YAP1: variants seen among roughly 807,000 people sequenced by gnomAD.
The protein encoded by YAP1 is Yes1 associated transcriptional regulator.
A neutral mutation model predicts 56.9 loss-of-function variants in YAP1; 5 were observed. That is an observed-to-expected ratio of 0.09 (90% CI 0.05 to 0.18). YAP1 has a LOEUF of 0.18. Ranked by LOEUF, YAP1 falls within the 10% of genes least tolerant of loss-of-function variation. YAP1 has a pLI of 1.00. For missense variants in YAP1, 539 were observed against 651.8 expected, an observed-to-expected ratio of 0.83 and a Z score of 1.88; for synonymous variants, 265 against 248.1, an observed-to-expected ratio of 1.07 and a Z score of -0.64.
At chr11:102,209,690 A>G (rs952517366) in intron 6 of YAP1, 126 bp downstream of exon 6, 1 of 857,842 alleles carries the variant, frequency 1.2e-6, no homozygotes. Context: ...ACTTTGAGCC[A>G]TCTTTCTACC....
chr11:102,125,164 A>G (rs532689196), intron 2 of YAP1, among the ~76,000 whole-genome samples: 1 of 150,482 alleles, frequency 6.6e-6, no homozygotes, highest in African/African-American at 2.5e-5. Context: ...AGCCTCCCCA[A>G]GTAGCTGGGA....
At chr11:102,229,389 G>T (rs1327962284) in intron 8 of YAP1, among the ~76,000 whole-genome samples, 1 of 152,162 alleles carries the variant, frequency 6.6e-6, no homozygotes, top group African/African-American at 2.4e-5. Flanking sequence ...GTCGTGTTGT[G>T]TACTTGTTCT....
At chr11:102,179,650 T>C (rs1947467600) in intron 3 of YAP1, among the ~76,000 whole-genome samples, 1 of 152,184 alleles carries the variant, frequency 6.6e-6, no homozygotes, top group South Asian at 2.1e-4. Context: ...TCTAAAAAAC[T>C]GTTTCCCATT....
chr11:102,133,308 T>G (rs1944477229), intron 2 of YAP1, among the ~76,000 whole-genome samples: 1 of 152,154 alleles, frequency 6.6e-6, no homozygotes, highest in Non-Finnish European at 1.5e-5. Context: ...ATTTTTGGGT[T>G]TTTTTGGGAC....
chr11:102,156,317 A>G (rs1945942185), intron 2 of YAP1, among the ~76,000 whole-genome samples: 1 of 152,230 alleles, frequency 6.6e-6, no homozygotes, highest in African/African-American at 2.4e-5. Flanking sequence ...ATGAAAGAAC[A>G]TGTAAAATTG....
At chr11:102,183,739 T>TGTGTGTGTGTGTGTGTGTGTGTGTGTGTG (rs1565241068) in intron 3 of YAP1, among the ~76,000 whole-genome samples, 3 of 150,648 alleles carry the variant, frequency 2.0e-5, no homozygotes, top group Admixed American at 6.6e-5. Context: ...TGTGTGTGTG[T>TGTGTGTGTGTGTGTGTGTGTGTGTGTGTG]TTAAACCACA....
chr11:102,151,101 T>A (rs1284236571), intron 2 of YAP1, among the ~76,000 whole-genome samples: 1 of 152,142 alleles, frequency 6.6e-6, no homozygotes, highest in African/African-American at 2.4e-5. Flanking sequence ...GTGCTGGGAT[T>A]ACAGGCGTCA....
chr11:102,172,419 C>T (rs1946961525), intron 3 of YAP1, among the ~76,000 whole-genome samples: 1 of 132,600 alleles, frequency 7.5e-6, no homozygotes, highest in Non-Finnish European at 1.5e-5. Flanking sequence ...TCAAGTGATT[C>T]TCATGCCTCA....
At chr11:102,143,763 T>C (rs2135304617) in intron 2 of YAP1, among the ~76,000 whole-genome samples, 1 of 152,344 alleles carries the variant, frequency 6.6e-6, no homozygotes, top group Admixed American at 6.5e-5. Flanking sequence ...TACTTACATA[T>C]TGACTTAGAA....
At chr11:102,112,164 GC>G (rs1260829509) in intron 1 of YAP1, among the ~76,000 whole-genome samples, 2 of 152,166 alleles carry the variant, frequency 1.3e-5, no homozygotes, top group African/African-American at 4.8e-5. Flanking sequence ...TGACTCATAG[GC>G]CAAGTCCTGC....
chr11:102,226,544 G>GT, intron 7 of YAP1, among the ~76,000 whole-genome samples: 1 of 152,186 alleles, frequency 6.6e-6, no homozygotes, highest in East Asian at 1.9e-4. Flanking sequence ...GATTTTATGC[G>GT]TTTCTCTAAG....
chr11:102,202,955 T>G (rs1440027843), intron 4 of YAP1, among the ~76,000 whole-genome samples: 1 of 152,186 alleles, frequency 6.6e-6, no homozygotes, highest in Non-Finnish European at 1.5e-5. Context: ...GCATGCTGCA[T>G]AGTACTATGG....
intron 4 of YAP1, among the ~76,000 whole-genome samples, chr11:102,195,432 A>G (rs1948523852): frequency 6.6e-6 from 1 of 152,170 alleles, no homozygotes; most frequent in African/African-American, 2.4e-5. Flanking sequence ...GAAAACTTTA[A>G]TCCAGTTTGG....
At chr11:102,226,247 G>A (rs1950188234) in intron 7 of YAP1, among the ~76,000 whole-genome samples, 1 of 152,132 alleles carries the variant, frequency 6.6e-6, no homozygotes, top group Admixed American at 6.5e-5. Flanking sequence ...TGTTTTCTTG[G>A]ATCTGTGTGA....
intron 4 of YAP1, among the ~76,000 whole-genome samples, chr11:102,193,027 C>T (rs967808572): frequency 2.0e-5 from 3 of 152,162 alleles, no homozygotes; most frequent in Non-Finnish European, 4.4e-5. Flanking sequence ...TAGCAAAGTT[C>T]AGCTTTATTG....
Position 102,123,246 on chromosome 11 carries a change from G to T in YAP1, c.572+8852G>T, listed in dbSNP as rs1943795475. Reference sequence around the variant, plus strand: ...TCCTTGCCTGGCCAACTGTGATTTTGTTTTTGCCGTGATTTTTTGTTTTTA... The same window carrying T: ...TCCTTGCCTGGCCAACTGTGATTTTTTTTTTGCCGTGATTTTTTGTTTTTA... On this transcript the variant is annotated intron_variant, in intron 2 of 8. Transcript: ENST00000282441. Among the ~76,000 whole-genome samples the T allele has an allele frequency of 3.9e-5, 6 of 152,094 alleles. No homozygotes were observed. The South Asian group carries it at 1.2e-3, about 32-fold the overall frequency.
chr11:102,175,729 A>G (rs545501655), intron 3 of YAP1, among the ~76,000 whole-genome samples: 7 of 152,348 alleles, frequency 4.6e-5, no homozygotes, highest in Admixed American at 3.3e-4. Context: ...TTGTAACACA[A>G]TGGTAAGTAT....
intron 3 of YAP1, among the ~76,000 whole-genome samples, chr11:102,179,900 A>C (rs1947481460): frequency 6.6e-6 from 1 of 152,162 alleles, no homozygotes; most frequent in Non-Finnish European, 1.5e-5. Flanking sequence ...TGATACATAA[A>C]AATAATGCAG....
intron 2 of YAP1, among the ~76,000 whole-genome samples, chr11:102,155,581 C>T (rs773556673): frequency 6.6e-6 from 1 of 152,206 alleles, no homozygotes; most frequent in African/African-American, 2.4e-5. Flanking sequence ...CAGCAGTTTA[C>T]GTTACAAGTT....
Sources: allele counts gnomAD v4.1 joint callset (sites outside exome capture counted in the v4.1 genomes callset), GRCh38; gene constraint gnomAD v4.1.1; transcripts MANE v1.5; gene names NCBI Gene and HGNC (gene_info 2026-07-23, HGNC 2026-07-21).